Variants in TBC1D22A observed in about 807,000 individuals in gnomAD.
TBC1D22A encodes the protein putative GTPase activator.
In TBC1D22A, 38 loss-of-function variants were observed where a neutral mutation model predicts 60.2. The ratio of observed to expected loss-of-function variants is 0.63; its 90% CI spans 0.49 to 0.83. The LOEUF (loss-of-function observed/expected upper bound fraction) is 0.83, where lower values mean the gene tolerates loss of function less well. Among genes scored for constraint, TBC1D22A ranks in the 40% least tolerant of loss-of-function variants. TBC1D22A has a pLI of 0.00. For synonymous variants in TBC1D22A, 302 were observed against 281.7 expected (o/e 1.07, Z -0.72); for missense variants, 628 against 701.0 (o/e 0.90, Z 1.18).
intron 12 of TBC1D22A, among the ~76,000 whole-genome samples, chr22:47,144,046 T>G (rs1013727808): frequency 2.0e-5 from 3 of 152,204 alleles, no homozygotes; most frequent in Non-Finnish European, 2.9e-5. Context: ...TCTGCACCCC[T>G]GGTTCAGCCC....
At chr22:46,942,983 G>T (rs377119181) in intron 8 of TBC1D22A, among the ~76,000 whole-genome samples, 2 of 152,168 alleles carry the variant, frequency 1.3e-5, no homozygotes, top group Admixed American at 6.5e-5. Flanking sequence ...ACCCAGGACC[G>T]CAGGGTGGAG....
intron 5 of TBC1D22A, among the ~76,000 whole-genome samples, chr22:46,882,181 A>G (rs2067883550): frequency 6.6e-6 from 1 of 152,088 alleles, no homozygotes; most frequent in Non-Finnish European, 1.5e-5. Flanking sequence ...GCAAATTGGA[A>G]TCTCTAGGGT....
At chr22:46,806,541 TAA>T (rs2085148577) in intron 4 of TBC1D22A, among the ~76,000 whole-genome samples, 1 of 149,924 alleles carries the variant, frequency 6.7e-6, no homozygotes, top group African/African-American at 2.4e-5. Flanking sequence ...AATTTTAAAT[TAA>T]ATTAAATATT....
chr22:47,080,368 G>A (rs2064414215), intron 11 of TBC1D22A, among the ~76,000 whole-genome samples: 1 of 152,124 alleles, frequency 6.6e-6, no homozygotes, highest in East Asian at 1.9e-4. Flanking sequence ...ATGATTTCCT[G>A]GGCCGTAAGA....
intron 11 of TBC1D22A, among the ~76,000 whole-genome samples, chr22:47,110,679 T>C (rs2065813615): frequency 6.6e-6 from 1 of 152,182 alleles, no homozygotes; most frequent in African/African-American, 2.4e-5. Flanking sequence ...ATTTGTTTAC[T>C]TAATGAACCA....
At position 47,141,604 on chromosome 22, in the gene TBC1D22A, A is replaced by G. The variant is rs138924550; in HGVS notation, c.1425+30001A>G. ...TCGTCGGCTGCCCTGACTTTCCTCC[A>G]TGTCTTCCGGAAGGCCCTCCCAACT... On this transcript the variant is annotated intron_variant, in intron 12 of 12. Transcript: ENST00000337137. Among the ~76,000 whole-genome samples the G allele has an allele frequency of 9.9e-3, 1,509 of 152,226 alleles. 24 individuals carry two copies. Among genetic ancestry groups the G allele is most frequent in the African/African-American group, 0.031 (1,282 of 41,556 alleles).
chr22:46,815,257 GAGCTGTGCGGCGGTCGCTTGTTC>G (rs937452542), intron 4 of TBC1D22A, among the ~76,000 whole-genome samples: 1 of 152,176 alleles, frequency 6.6e-6, no homozygotes, highest in Non-Finnish European at 1.5e-5. Flanking sequence ...GTGTTAAACA[GAGCTGTGCGGCGGTCGCTTGTTC>G]ACTCGTGTTG....
chr22:46,916,781 A>T (rs1029777385), intron 8 of TBC1D22A, among the ~76,000 whole-genome samples: 4 of 152,236 alleles, frequency 2.6e-5, no homozygotes, highest in African/African-American at 9.6e-5. Context: ...ATGTGAAGAC[A>T]GTGAAGTCCA....
At chr22:46,900,410 A>G (rs2068924584) in intron 7 of TBC1D22A, among the ~76,000 whole-genome samples, 1 of 152,128 alleles carries the variant, frequency 6.6e-6, no homozygotes, top group African/African-American at 2.4e-5. Context: ...TTGGCCTCCC[A>G]AGGTGCTGGG....
intron 8 of TBC1D22A, among the ~76,000 whole-genome samples, chr22:46,972,658 G>A (rs1323464961): frequency 6.6e-6 from 1 of 152,190 alleles, no homozygotes; most frequent in Non-Finnish European, 1.5e-5. Flanking sequence ...AGCGGCTGCT[G>A]AAGGGTCCAG....
intron 5 of TBC1D22A, among the ~76,000 whole-genome samples, chr22:46,890,578 A>ATAGG (rs1435246284): frequency 6.6e-6 from 1 of 152,194 alleles, no homozygotes; most frequent in African/African-American, 2.4e-5. Flanking sequence ...ACTTAGGGAC[A>ATAGG]ACTATATATT....
rs566807265 is a variant in TBC1D22A, at chr22:46,846,768, G to A, written c.638-31885G>A. Among the ~76,000 whole-genome samples the A allele has an allele frequency of 5.9e-5, 9 of 151,626 alleles. No homozygotes were observed. In the East Asian group the frequency reaches 1.2e-3, roughly 20 times the overall value. On this transcript the variant is annotated intron_variant, in intron 4 of 12. Coordinates refer to ENST00000337137, the MANE Select transcript of TBC1D22A (RefSeq NM_014346.5). ...CCTCTCATCTTCACCCGGATTCGGC[G>A]GGTATCAAGATATGCCACCAGCCTC...
At chr22:47,053,260 C>A (rs1413476128) in intron 11 of TBC1D22A, among the ~76,000 whole-genome samples, 1 of 152,240 alleles carries the variant, frequency 6.6e-6, no homozygotes, top group African/African-American at 2.4e-5. Flanking sequence ...CTCTTCCTTG[C>A]CTGCCTGCAG....
intron 4 of TBC1D22A, among the ~76,000 whole-genome samples, chr22:46,811,037 T>G (rs1212849880): frequency 6.6e-6 from 1 of 152,226 alleles, no homozygotes; most frequent in Non-Finnish European, 1.5e-5. Context: ...CATGCGGCTG[T>G]CATCCAGGAC....
intron 12 of TBC1D22A, among the ~76,000 whole-genome samples, chr22:47,121,152 T>G (rs557953029): frequency 4.9e-4 from 75 of 152,350 alleles, no homozygotes; most frequent in African/African-American, 1.8e-3. Flanking sequence ...ATGTAAGTGT[T>G]TCTTCCAATC....
chr22:46,889,195 G>C (rs1003007273), intron 5 of TBC1D22A, among the ~76,000 whole-genome samples: 8 of 152,278 alleles, frequency 5.3e-5, no homozygotes, highest in African/African-American at 1.9e-4. Context: ...GTCAAACTCA[G>C]TGAGAAGACG....
Position 46,912,155 on chromosome 22 carries a change from C to T in TBC1D22A, c.982C>T (p.Pro328Ser). Residue 328 changes from proline to serine, a missense_variant, in exon 8 of 13, where the codon CCT becomes TCT. Transcript: ENST00000337137. ...TCAGGGTATAAATGATCTCGTCACT[C>T]CTTTCTTTGTGGTCTTCATTTGTGA... ...YVQGINDLVT[P>S]FFVVFICEYI... 6.2e-7 allele frequency: 1 copy of T among 1,613,862 alleles called. No individual in the cohort carries two copies. Among genetic ancestry groups the T allele is most frequent in the South Asian group, 1.1e-5 (1 of 91,012 alleles).
At chr22:46,811,341 C>G (rs2085368154) in intron 4 of TBC1D22A, among the ~76,000 whole-genome samples, 1 of 152,208 alleles carries the variant, frequency 6.6e-6, no homozygotes, top group African/African-American at 2.4e-5. Context: ...ATCCGTCAGA[C>G]ACGAGTAGGT....
At chr22:47,045,810 C>A (rs1458081429) in intron 11 of TBC1D22A, among the ~76,000 whole-genome samples, 1 of 152,166 alleles carries the variant, frequency 6.6e-6, no homozygotes, top group Non-Finnish European at 1.5e-5. Flanking sequence ...ACCCAGGAAG[C>A]TGCTGCTGTA....
Sources: allele counts gnomAD v4.1 joint callset (sites outside exome capture counted in the v4.1 genomes callset), GRCh38; gene constraint gnomAD v4.1.1; transcripts MANE v1.5; gene names NCBI Gene and HGNC (gene_info 2026-07-23, HGNC 2026-07-21).